SPTBN5: variants seen among roughly 807,000 people sequenced by gnomAD.
SPTBN5 encodes spectrin beta, non-erythrocytic 5.
In SPTBN5, 513 loss-of-function variants were observed where a neutral mutation model predicts 477.6. The observed-to-expected ratio is 1.07, with a 90% confidence interval of 1.00 to 1.16. The LOEUF is 1.16. SPTBN5 is among the 50% of genes most tolerant of loss of function. The probability of loss-of-function intolerance (pLI) is 0.00; values close to 1 mark genes in which losing one functional copy is unlikely to be tolerated. For missense variants in SPTBN5, 5,062 were observed against 4,731.8 expected, an observed-to-expected ratio of 1.07 and a Z score of -2.05; for synonymous variants, 2,169 against 2,011.7, an observed-to-expected ratio of 1.08 and a Z score of -2.09.
intron 36 of SPTBN5, 90 bp downstream of exon 36, chr15:41,866,869 T>C: frequency 7.0e-7 from 1 of 1,436,462 alleles, no homozygotes; most frequent in Non-Finnish European, 9.2e-7. Context: ...CCGAACCTGT[T>C]TCCGCCTCAC....
intron 16 of SPTBN5, 96 bp from the exon 17 acceptor site, chr15:41,878,725 G>C: frequency 7.2e-7 from 1 of 1,386,618 alleles, no homozygotes; most frequent in Non-Finnish European, 9.6e-7. Context: ...CCCAGGGAGA[G>C]TGGTGCTGAC....
intron 5 of SPTBN5, 133 bp downstream of exon 5, chr15:41,887,795 A>G: frequency 1.1e-6 from 1 of 929,002 alleles, no homozygotes; most frequent in Non-Finnish European, 1.6e-6. Flanking sequence ...CTAACCCATC[A>G]GCCCTTTCTA....
chr15:41,859,561 G>T (rs897578113), intron 47 of SPTBN5, among the ~76,000 whole-genome samples: 2 of 152,186 alleles, frequency 1.3e-5, no homozygotes. Context: ...ATATGGGTGG[G>T]TCCTAATCCA....
chr15:41,867,688 C>G, intron 34 of SPTBN5, 46 bp from the exon 35 acceptor site: 1 of 1,565,070 alleles, frequency 6.4e-7, no homozygotes, highest in Non-Finnish European at 8.8e-7. Flanking sequence ...TCCAGCCAGC[C>G]AGCCCCTCCA....
At chr15:41,861,358 T>C (rs1011301337) in intron 46 of SPTBN5, 61 bp downstream of exon 46, 2 of 1,461,894 alleles carry the variant, frequency 1.4e-6, no homozygotes, top group Non-Finnish European at 1.9e-6. Context: ...CACTGGCTGG[T>C]TTGACCCCTA....
chr15:41,854,252 G>A (rs371854476), intron 56 of SPTBN5, 47 bp from the exon 57 acceptor site: 2 of 1,552,874 alleles, frequency 1.3e-6, no homozygotes, highest in Non-Finnish European at 1.7e-6. Context: ...CTGCTCCCAG[G>A]ATTCCTTTCT....
Position 41,858,966 on chromosome 15 carries a change from A to G in SPTBN5, c.8003T>C (p.Phe2668Ser). 1 of 1,570,058 alleles carries G rather than the reference A, an allele frequency of 6.4e-7. No homozygotes were observed. The highest frequency in any genetic ancestry group is 8.6e-7 in the Non-Finnish European group (1 of 1,157,314). The stretch of plus-strand genomic sequence containing the variant: ...ATGGCGGCGGGTCCCGGCTTGCCTG[A>G]AGAGCGCCTCCTTCCTGCCAGGAGG... Reference protein sequence around the residue: ...QAMLLRKEALFRQAGTRRHRL... With the variant: ...QAMLLRKEALSRQAGTRRHRL... The change falls in exon 48 of 68, where the codon TTC becomes TCC. Residue 2668 changes from phenylalanine (F) to serine (S), a missense_variant. Coordinates refer to ENST00000320955, the MANE Select transcript of SPTBN5 (RefSeq NM_016642.4).
chr15:41,851,396 A>C lies in SPTBN5; in HGVS notation c.10657-27T>G, dbSNP rs563887648. 3.9e-6 allele frequency: 6 copies of C among 1,525,078 alleles called. No individual in the cohort carries two copies. The South Asian group carries it at 4.8e-5, about 12-fold the overall frequency. 94.5% of individuals were successfully genotyped at this position (1,525,078 alleles called of 1,614,324 possible). A position where few individuals can be genotyped will look rare whatever the true frequency, so the allele number is the denominator to read the frequency against. ...TGTGGAGAGGAGGCGGGAAGGTCGC[A>C]TGAGCCACACGCAGGAAGCCAGAGC... On this transcript the variant is annotated intron_variant, in intron 63 of 67. Transcript: ENST00000320955.
chr15:41,853,775 C>A lies in SPTBN5; in HGVS notation c.9787G>T (p.Ala3263Ser), dbSNP rs200665658. 5.5e-4 allele frequency: 868 copies of A among 1,566,194 alleles called. No homozygotes were observed. Among genetic ancestry groups the A allele is most frequent in the Non-Finnish European group, 7.0e-4 (814 of 1,155,272 alleles). ...AGCCGTGCCACCTCCTTCTCCATAG[C>A]TTCCAGCTCTCTCTGCAACCAGAGC... Reference protein sequence around the residue: ...QHRRLERELEAMEKEVARLQT... With the variant: ...QHRRLERELESMEKEVARLQT... The change falls in exon 58 of 68, where the codon GCT becomes TCT. Residue 3263 changes from alanine to serine, a missense_variant. Ala to Ser is a moderately conservative substitution (Grantham distance 99, BLOSUM62 1). Coordinates refer to ENST00000320955, the MANE Select transcript of SPTBN5 (RefSeq NM_016642.4).
At position 41,868,216 on chromosome 15, in the gene SPTBN5, G is replaced by A; in HGVS notation, c.6060C>T (p.Val2020=). 6.3e-7 allele frequency: 1 copy of A among 1,581,096 alleles called. No individual in the cohort carries two copies. The highest frequency in any genetic ancestry group is 2.3e-5 in the East Asian group (1 of 43,392). ...CCTGCAGGGCTCGAAGCTCTTCCTG[G>A]ACCTGGGGATGGACACATGAGGAGC... ...LLAAGTPTKE[V]QEELRALQDQ... Residue 2020 remains valine, a splice_region_variant and synonymous_variant, in exon 34 of 68, where the codon GTC becomes GTT. Transcript: ENST00000320955.
Position 41,887,216 on chromosome 15 carries a change from A to T in SPTBN5, c.885T>A (p.Thr295=). Residue 295 remains threonine (T), a synonymous_variant, in exon 6 of 68, where the codon ACT becomes ACA. Transcript: ENST00000320955. The part of the protein sequence containing the change: ...HQGQTVQRRL[T]KILLQLQETE... ...CCACCCCTCCTTTCTCCCCCACCTT[A>T]GTGAGTCTCCTCTGGACAGTCTGCC... is the stretch of plus-strand genomic sequence containing the variant. 1.9e-6 allele frequency: 3 copies of T among 1,550,824 alleles called. No homozygotes were observed. Among genetic ancestry groups the T allele is most frequent in the Non-Finnish European group, 2.6e-6 (3 of 1,146,496 alleles).
At chr15:41,852,528 A>T in intron 61 of SPTBN5, 106 bp downstream of exon 61, 1 of 1,366,400 alleles carries the variant, frequency 7.3e-7, no homozygotes, top group Non-Finnish European at 1.0e-6. Flanking sequence ...AGGAGCAGGT[A>T]AGGCAGGGCC....
Position 41,862,809 on chromosome 15 carries a change from G to T in SPTBN5, c.7244C>A (p.Pro2415His). 1 of 1,578,510 alleles carries T rather than the reference G, an allele frequency of 6.3e-7. No homozygotes were observed. Among genetic ancestry groups the T allele is most frequent in the East Asian group, 2.3e-5 (1 of 42,834 alleles). Residue 2415 changes from proline to histidine, a missense_variant, in exon 42 of 68, where the codon CCC (proline) becomes CAC (histidine). By Grantham distance (77) the Pro-to-His change is moderately conservative. Coordinates refer to ENST00000320955, the MANE Select transcript of SPTBN5 (RefSeq NM_016642.4). ...ACGCACCTCCACCTGGGCCTGGATG[G>T]GGTGCACTTCCCGCTCCAGCTCCTC... ...KHEELEREVH[P>H]IQAQVESLER...
chr15:41,881,985 CGCCGCAGCTCGGCCGCGAAG>C lies in SPTBN5; in HGVS notation c.2388_2407del (p.Phe797AlafsTer36), dbSNP rs754561867. 6.5e-7 allele frequency: 1 copy of C among 1,537,714 alleles called. No homozygotes were observed. Among genetic ancestry groups the C allele is most frequent in the Non-Finnish European group, 8.7e-7 (1 of 1,151,350 alleles). The stretch of plus-strand genomic sequence containing the variant: ...GGCCGCCCGCCCCTGCTCCTCCAGC[CGCCGCAGCTCGGCCGCGAAG>C]GCGCGCAGGACGCGCTCCAGCCGCA... On this transcript the variant is annotated frameshift_variant, in exon 12 of 68. Coordinates refer to ENST00000320955, the MANE Select transcript of SPTBN5 (RefSeq NM_016642.4). LOFTEE classifies it high-confidence loss of function.
chr15:41,887,586 A>G, intron 5 of SPTBN5, 145 bp from the exon 6 acceptor site: 1 of 722,778 alleles, frequency 1.4e-6, no homozygotes, highest in Non-Finnish European at 2.3e-6. Context: ...GGCCCTGTTG[A>G]AGGAGGAGGA....
Position 41,864,019 on chromosome 15 carries a change from T to C in SPTBN5, c.6924A>G (p.Thr2308=). Residue 2308 remains threonine, a synonymous_variant, in exon 40 of 68, where the codon ACA becomes ACG. Transcript: ENST00000320955. The stretch of plus-strand genomic sequence containing the variant: ...TGCTCCTGATGCAGGCATCACCCAC[T>C]GTGTCCTGCAGGGGAGGTATGGGTG... ...REFRGNSAGD[T]VGDACIRSIS... is the part of the protein sequence containing the mutation. The C allele has an allele frequency of 6.2e-7, 1 of 1,612,536 alleles. No individual in the cohort carries two copies. Among genetic ancestry groups the C allele is most frequent in the Non-Finnish European group, 8.5e-7 (1 of 1,179,486 alleles).
chr15:41,861,968 C>T (rs115998161), intron 44 of SPTBN5, 45 bp from the exon 45 acceptor site: 1 of 1,569,854 alleles, frequency 6.4e-7, no homozygotes, highest in Non-Finnish European at 8.6e-7. Context: ...GGAAGCAGCC[C>T]AGCAGGCAGG....
Position 41,855,384 on chromosome 15 carries a change from G to C in SPTBN5, c.9263C>G (p.Ala3088Gly), listed in dbSNP as rs1379118022. 1.1e-5 allele frequency: 18 copies of C among 1,604,732 alleles called. No individual in the cohort carries two copies. Among genetic ancestry groups the C allele is most frequent in the Non-Finnish European group, 1.4e-5 (17 of 1,179,346 alleles). ...AQLQAVREAHAELLRRAEARG... is the reference protein window; with the variant it reads ...AQLQAVREAHGELLRRAEARG... ...GGCCTCCGCCCTCCGCAGCAGCTCT[G>C]CGTGGGCCTCCCGAACTGCCTGCAG... Residue 3088 changes from alanine to glycine, a missense_variant, in exon 55 of 68, where the codon GCA (alanine) becomes GGA (glycine). Ala to Gly is a moderately conservative substitution (Grantham distance 60). Coordinates refer to ENST00000320955, the MANE Select transcript of SPTBN5 (RefSeq NM_016642.4).
rs576697354 is a variant in SPTBN5, at chr15:41,867,611, G to A, written c.6239C>T (p.Ser2080Leu). 14 of 1,613,710 alleles carry A rather than the reference G, an allele frequency of 8.7e-6. No homozygotes were observed. Among genetic ancestry groups the A allele is most frequent in the South Asian group, 4.4e-5 (4 of 91,076 alleles). Residue 2080 changes from serine to leucine, a missense_variant, in exon 35 of 68, where the codon TCG becomes TTG. Transcript: ENST00000320955. Reference sequence around the variant, plus strand: ...AATCAACTGCTCTACCTCTTCCACCGAGCTCCCCAAGGCACTGGTTTTCAG... The same window carrying A: ...AATCAACTGCTCTACCTCTTCCACCAAGCTCCCCAAGGCACTGGTTTTCAG... Reference protein sequence around the residue: ...VSLKTSALGSSVEEVEQLIRK... With the variant: ...VSLKTSALGSLVEEVEQLIRK...
Sources: allele counts gnomAD v4.1 joint callset (sites outside exome capture counted in the v4.1 genomes callset), GRCh38; gene constraint gnomAD v4.1.1; transcripts MANE v1.5; gene names NCBI Gene and HGNC (gene_info 2026-07-23, HGNC 2026-07-21).